Variants in UNC13C observed in about 807,000 individuals in gnomAD.
UNC13C encodes the protein protein unc-13 homolog C.
A neutral mutation model predicts 245.4 loss-of-function variants in UNC13C; 174 were observed. That is an observed-to-expected ratio of 0.71 (90% CI 0.63 to 0.80). UNC13C has a LOEUF of 0.80. Among genes scored for constraint, UNC13C ranks in the 30% least tolerant of loss-of-function variants. The pLI, the probability that UNC13C is intolerant of heterozygous loss-of-function variation, is 0.00. For synonymous variants in UNC13C, 992 were observed against 895.1 expected, an observed-to-expected ratio of 1.11 and a Z score of -1.93; for missense variants, 2,829 against 2,602.9, an observed-to-expected ratio of 1.09 and a Z score of -1.89.
At chr15:53,955,375 A>G in the UNC13C span, among the ~76,000 whole-genome samples, 2 of 152,136 alleles carry the variant, frequency 1.3e-5, no homozygotes, top group African/African-American at 4.8e-5. Flanking sequence ...ATACTGAATT[A>G]AGAAATAAAA....
the UNC13C span, among the ~76,000 whole-genome samples, chr15:53,972,323 G>A: frequency 6.6e-6 from 1 of 152,188 alleles, no homozygotes; most frequent in African/African-American, 2.4e-5. Context: ...CAGAACATGT[G>A]GACGTGCTCT....
At chr15:54,629,027 G>C (rs986676785), downstream of UNC13C, 1 of 152,068 alleles carries the variant, frequency 6.6e-6, no homozygotes, top group African/African-American at 2.4e-5. Flanking sequence ...CAAACACATG[G>C]AACCATCCTA....
chr15:53,915,470 A>G, the UNC13C span, among the ~76,000 whole-genome samples: 1 of 152,252 alleles, frequency 6.6e-6, no homozygotes, highest in Non-Finnish European at 1.5e-5. Context: ...CTCAAATTGT[A>G]GTAGCTTAGT....
At chr15:53,961,254 T>C in the UNC13C span, among the ~76,000 whole-genome samples, 1 of 152,252 alleles carries the variant, frequency 6.6e-6, no homozygotes, top group Non-Finnish European at 1.5e-5. Context: ...CACCGGACCA[T>C]GAAGCCCCTG....
intron 2 of UNC13C, among the ~76,000 whole-genome samples, chr15:54,117,218 C>T (rs537638602): frequency 2.6e-5 from 4 of 152,046 alleles, no homozygotes; most frequent in South Asian, 2.1e-4. Context: ...TCTTCCATTC[C>T]GTGGGATATC....
intron 4 of UNC13C, among the ~76,000 whole-genome samples, chr15:54,201,431 T>C (rs532752793): frequency 5.3e-5 from 8 of 151,796 alleles, no homozygotes; most frequent in African/African-American, 1.9e-4. Flanking sequence ...TAATAGGGAA[T>C]AAAATCTAAC....
At chr15:54,316,838 A>G (rs929426984) in intron 13 of UNC13C, among the ~76,000 whole-genome samples, 10 of 151,856 alleles carry the variant, frequency 6.6e-5, no homozygotes, top group African/African-American at 2.4e-4. Flanking sequence ...CTGCTCCTCC[A>G]TCCTATGGCC....
chr15:54,138,283 T>C (rs1048441240), intron 2 of UNC13C, among the ~76,000 whole-genome samples: 51 of 152,138 alleles, frequency 3.4e-4, no homozygotes, highest in Non-Finnish European at 4.4e-5. Context: ...TAGAATATTG[T>C]GTCATTTTAA....
At chr15:54,349,684 T>C (rs867292263) in intron 17 of UNC13C, among the ~76,000 whole-genome samples, 2 of 152,216 alleles carry the variant, frequency 1.3e-5, no homozygotes, top group Admixed American at 1.3e-4. Context: ...GCACTTTCAG[T>C]TGGCAAGTAA....
At chr15:54,351,677 A>C (rs1032778287) in intron 17 of UNC13C, among the ~76,000 whole-genome samples, 12 of 152,286 alleles carry the variant, frequency 7.9e-5, no homozygotes, top group South Asian at 4.1e-4. Context: ...TAGGAATTTT[A>C]TCTCTCTTGC....
At chr15:54,282,405 G>A (rs1255585591) in intron 10 of UNC13C, among the ~76,000 whole-genome samples, 2 of 152,126 alleles carry the variant, frequency 1.3e-5, no homozygotes, top group Non-Finnish European at 2.9e-5. Flanking sequence ...ACCTCTTGCA[G>A]GAGTGAGCAA....
chr15:54,461,319 G>T (rs564317391), intron 19 of UNC13C, among the ~76,000 whole-genome samples: 2 of 152,216 alleles, frequency 1.3e-5, no homozygotes, highest in East Asian at 3.9e-4. Context: ...TTTCAGATTA[G>T]GGATGCTCAA....
At chr15:54,245,468 A>T (rs1479805858) in intron 7 of UNC13C, among the ~76,000 whole-genome samples, 1 of 152,158 alleles carries the variant, frequency 6.6e-6, no homozygotes, top group East Asian at 1.9e-4. Flanking sequence ...CATAGATAGG[A>T]TATAACTTTT....
chr15:53,961,490 G>A, the UNC13C span, among the ~76,000 whole-genome samples: 1 of 152,202 alleles, frequency 6.6e-6, no homozygotes, highest in East Asian at 1.9e-4. Context: ...TGGATGCATG[G>A]TGCACAGTGG....
chr15:54,440,646 T>C lies in UNC13C; in HGVS notation c.4933+25579T>C, dbSNP rs574674603. 7.9e-5 allele frequency among the ~76,000 whole-genome samples: 12 copies of C among 152,166 alleles called. No individual in the cohort carries two copies. The South Asian group carries it at 2.5e-3, about 32-fold the overall frequency. ...GCTGTAGATATCTCTTTGATGTAGA[T>C]AATTTCCTTTACTCTGAATAGATAC... is the stretch of plus-strand genomic sequence containing the variant. On this transcript the variant is annotated intron_variant, in intron 19 of 32. Coordinates refer to ENST00000260323, the MANE Select transcript of UNC13C (RefSeq NM_001080534.3).
intron 30 of UNC13C, among the ~76,000 whole-genome samples, chr15:54,616,198 T>C (rs989499416): frequency 1.3e-5 from 2 of 152,002 alleles, no homozygotes; most frequent in Non-Finnish European, 2.9e-5. Flanking sequence ...GTAGTAGATA[T>C]AAGCTTTTTC....
chr15:54,473,845 G>A (rs1892586218), intron 19 of UNC13C, among the ~76,000 whole-genome samples: 1 of 151,536 alleles, frequency 6.6e-6, no homozygotes, highest in African/African-American at 2.4e-5. Flanking sequence ...AATATACATT[G>A]CATCCATTAA....
At chr15:54,090,791 T>C (rs925024946) in intron 2 of UNC13C, among the ~76,000 whole-genome samples, 8 of 152,108 alleles carry the variant, frequency 5.3e-5, no homozygotes, top group African/African-American at 1.2e-4. Context: ...CACGCCCCCA[T>C]TGATGGGCTA....
the UNC13C span, among the ~76,000 whole-genome samples, chr15:53,882,897 G>A: frequency 6.6e-5 from 10 of 152,136 alleles, no homozygotes; most frequent in Non-Finnish European, 1.5e-4. Flanking sequence ...GCCTATCAGA[G>A]GGTGGAAGGT....
Sources: gnomAD v4.1 joint callset for allele counts (sites outside exome capture counted in the v4.1 genomes callset) on GRCh38, gnomAD v4.1.1 for gene constraint, MANE v1.5 for transcripts, NCBI Gene and HGNC (gene_info 2026-07-23, HGNC 2026-07-21) for gene names.